The following KIAA1217 variants were observed in gnomAD, a reference collection of about 807,000 sequenced individuals.
The protein encoded by KIAA1217 is sickle tail protein homolog.
In KIAA1217, 88 loss-of-function variants were observed where a neutral mutation model predicts 163.9. The ratio of observed to expected loss-of-function variants is 0.54; its 90% CI spans 0.45 to 0.64. The LOEUF (loss-of-function observed/expected upper bound fraction) is 0.64, where lower values mean the gene tolerates loss of function less well. Among genes scored for constraint, KIAA1217 ranks in the 30% least tolerant of loss-of-function variants. KIAA1217 has a pLI of 0.00. For missense variants in KIAA1217, 2,372 were observed against 2,475.0 expected (o/e 0.96, Z 0.88); for synonymous variants, 903 against 923.1 (o/e 0.98, Z 0.39).
intron 5 of KIAA1217, among the ~76,000 whole-genome samples, chr10:24,471,916 G>A (rs575239624): frequency 1.4e-4 from 21 of 149,240 alleles, no homozygotes; most frequent in Non-Finnish European, 2.1e-4. Context: ...AAAAATCTGT[G>A]TAGAACTTTT....
chr10:24,250,002 C>T (rs2074287578), intron 2 of KIAA1217, among the ~76,000 whole-genome samples: 1 of 152,188 alleles, frequency 6.6e-6, no homozygotes, highest in Non-Finnish European at 1.5e-5. Flanking sequence ...TCCTCTGCAC[C>T]TCCTACCTTT....
intron 2 of KIAA1217, among the ~76,000 whole-genome samples, chr10:24,256,125 T>C (rs993323964): frequency 6.7e-4 from 101 of 150,622 alleles, no homozygotes; most frequent in Admixed American, 5.6e-3. Context: ...TGCTTAGGAG[T>C]TTCTAAAAGC....
At chr10:24,240,152 T>C (rs755375528) in intron 2 of KIAA1217, among the ~76,000 whole-genome samples, 1 of 152,150 alleles carries the variant, frequency 6.6e-6, no homozygotes, top group Non-Finnish European at 1.5e-5. Context: ...GTGATAGCAA[T>C]CACTGGATGC....
chr10:23,825,965 C>T (rs1264145136), intron 1 of KIAA1217, among the ~76,000 whole-genome samples: 1 of 152,120 alleles, frequency 6.6e-6, no homozygotes, highest in Non-Finnish European at 1.5e-5. Flanking sequence ...GAGAAATAAC[C>T]AGCCCAGTTT....
intron 2 of KIAA1217, among the ~76,000 whole-genome samples, chr10:24,175,827 G>A (rs926771344): frequency 6.6e-6 from 1 of 152,128 alleles, no homozygotes; most frequent in African/African-American, 2.4e-5. Flanking sequence ...CTCCTGTCCA[G>A]ACTTGTTCAT....
chr10:23,934,607 GTATA>G (rs1162794977), intron 1 of KIAA1217, among the ~76,000 whole-genome samples: 2 of 37,102 alleles, frequency 5.4e-5, no homozygotes, highest in South Asian at 6.6e-4. Context: ...ATATATATAT[GTATA>G]TATATATATA....
At chr10:23,753,535 C>T (rs920061558) in intron 1 of KIAA1217, among the ~76,000 whole-genome samples, 8 of 152,170 alleles carry the variant, frequency 5.3e-5, no homozygotes, top group African/African-American at 1.9e-4. Context: ...GAATTTGGAG[C>T]TCTTACAGAC....
intron 1 of KIAA1217, among the ~76,000 whole-genome samples, chr10:23,835,899 C>T (rs1838424053): frequency 6.6e-6 from 1 of 152,036 alleles, no homozygotes; most frequent in African/African-American, 2.4e-5. Context: ...TTTTTAAGCT[C>T]CTCCTGGGAA....
chr10:24,229,901 A>G (rs2071132441), intron 2 of KIAA1217, among the ~76,000 whole-genome samples: 1 of 152,190 alleles, frequency 6.6e-6, no homozygotes, highest in African/African-American at 2.4e-5. Flanking sequence ...CACAGCAAAT[A>G]ATAATAGCAC....
rs533117391 is a variant in KIAA1217, at chr10:23,855,021, G to A, written c.-320-152204G>A. On this transcript the variant is annotated intron_variant, in intron 1 of 18. Transcript: ENST00000376462. ...AGCATTTAGTCCATTTACATTTAAA[G>A]TTAATATTGTTATGTGTGAATTTGA... Among the ~76,000 whole-genome samples, 173 of 152,224 alleles carry A rather than the reference G, an allele frequency of 1.1e-3. 1 individual carries two copies. Among genetic ancestry groups the A allele is most frequent in the African/African-American group, 3.9e-3 (163 of 41,538 alleles).
chr10:24,374,429 A>T (rs12247422), intron 2 of KIAA1217, among the ~76,000 whole-genome samples: 26,208 of 152,180 alleles, frequency 0.17, 2,711 homozygotes, highest in East Asian at 0.37. Context: ...GATTAACAGC[A>T]GGACCCTCTA....
At chr10:24,175,897 T>C (rs951593456) in intron 2 of KIAA1217, among the ~76,000 whole-genome samples, 1 of 152,160 alleles carries the variant, frequency 6.6e-6, no homozygotes, top group Non-Finnish European at 1.5e-5. Context: ...ACCTCCACCA[T>C]GAGTGTTACA....
Position 24,316,934 on chromosome 10 carries a change from C to T in KIAA1217, c.355-63935C>T, listed in dbSNP as rs139522058. ...AAATGGTTCTGAGGATACTGAGAGA[C>T]GCTCAGTGTGTGGTCTTTTTATTTT... is the stretch of plus-strand genomic sequence containing the variant. On this transcript the variant is annotated intron_variant, in intron 2 of 20. Transcript: ENST00000376454. Among the ~76,000 whole-genome samples the T allele has an allele frequency of 7.6e-4, 116 of 152,222 alleles. 1 individual carries two copies. Among genetic ancestry groups the T allele is most frequent in the African/African-American group, 2.5e-3 (103 of 41,548 alleles).
intron 15 of KIAA1217, among the ~76,000 whole-genome samples, chr10:24,532,736 C>G (rs909664572): frequency 3.3e-5 from 5 of 152,122 alleles, no homozygotes; most frequent in Admixed American, 2.6e-4. Flanking sequence ...GAGTCAATTA[C>G]CTCCCACCTG....
chr10:23,852,316 G>C (rs1043611508), intron 1 of KIAA1217, among the ~76,000 whole-genome samples: 1 of 152,142 alleles, frequency 6.6e-6, no homozygotes, highest in African/African-American at 2.4e-5. Flanking sequence ...TCAAAGATCA[G>C]ATAGTTGTAG....
At chr10:23,843,915 C>T (rs955942653) in intron 1 of KIAA1217, among the ~76,000 whole-genome samples, 14 of 152,128 alleles carry the variant, frequency 9.2e-5, no homozygotes, top group African/African-American at 3.4e-4. Flanking sequence ...TGATTTAATT[C>T]TCCATTATTC....
At chr10:24,063,932 G>A (rs942508575) in intron 2 of KIAA1217, among the ~76,000 whole-genome samples, 4 of 152,082 alleles carry the variant, frequency 2.6e-5, no homozygotes, top group African/African-American at 7.2e-5. Context: ...TCATGATTTG[G>A]CTCTCTGTTT....
intron 1 of KIAA1217, among the ~76,000 whole-genome samples, chr10:23,724,865 A>G (rs1012485859): frequency 1.3e-5 from 2 of 152,158 alleles, no homozygotes; most frequent in South Asian, 2.1e-4. Flanking sequence ...TGCCATGTGT[A>G]ACTCTTGACT....
At chr10:23,936,573 T>G (rs1021013829) in intron 1 of KIAA1217, among the ~76,000 whole-genome samples, 1 of 152,056 alleles carries the variant, frequency 6.6e-6, no homozygotes, top group African/African-American at 2.4e-5. Context: ...AGAAGAAGGC[T>G]GTGTAATGCT....
Sources: gnomAD v4.1 joint callset for allele counts (sites outside exome capture counted in the v4.1 genomes callset) on GRCh38, gnomAD v4.1.1 for gene constraint, MANE v1.5 for transcripts, NCBI Gene and HGNC (gene_info 2026-07-23, HGNC 2026-07-21) for gene names.